The following ZBP1 variants were observed in gnomAD, a reference collection of about 807,000 sequenced individuals.
ZBP1 encodes Z-DNA binding protein 1.
Under a neutral mutation model 41.1 loss-of-function variants are expected in ZBP1, and 42 were observed. The ratio of observed to expected loss-of-function variants is 1.02; its 90% CI spans 0.80 to 1.32. ZBP1 has a LOEUF of 1.32. ZBP1 is among the 40% of genes most tolerant of loss of function. The pLI, the probability that ZBP1 is intolerant of heterozygous loss-of-function variation, is 0.00. For missense variants in ZBP1, 562 were observed against 549.7 expected, an observed-to-expected ratio of 1.02 and a Z score of -0.22; for synonymous variants, 214 against 205.2, an observed-to-expected ratio of 1.04 and a Z score of -0.37.
chr20:57,610,454 C>T lies in ZBP1; in HGVS notation c.875-87G>A, dbSNP rs1362851786. On this transcript the variant is annotated intron_variant, in intron 6 of 7. Transcript: ENST00000371173. The surrounding 1 kb of genome is among the most constrained non-coding windows in gnomAD (Gnocchi z 5.5). ...GACCCCCAGCCTGGTTCACCCTCCT[C>T]CCCAGATCTCCCACCAGTGGCCCAC... is the stretch of plus-strand genomic sequence containing the variant. 7.1e-7 allele frequency: 1 copy of T among 1,403,800 alleles called. No homozygotes were observed. Among genetic ancestry groups the T allele is most frequent in the African/African-American group, 1.4e-5 (1 of 70,530 alleles). 87.0% of individuals were successfully genotyped at this position (1,403,800 alleles called of 1,614,324 possible).
chr20:57,612,869 C>T lies in ZBP1; in HGVS notation c.670+294G>A, dbSNP rs114947868. 2,832 of 1,280,314 alleles carry T rather than the reference C, an allele frequency of 2.2e-3. 59 individuals are homozygous for T. In the African/African-American group the frequency reaches 0.039, roughly 18 times the overall value. The allele number at this position is 1,280,314 out of a possible 1,614,324, so 79.3% of individuals were successfully genotyped here. On this transcript the variant is annotated intron_variant, in intron 5 of 7. Transcript: ENST00000371173. ...ATTGAAAATGAGGCATAAGGTCAGG[C>T]GCAACACAGAGATACCCCATCTTAA...
chr20:57,611,867 A>C lies in ZBP1; in HGVS notation c.734T>G (p.Leu245Arg). 6.3e-7 allele frequency: 1 copy of C among 1,585,000 alleles called. No homozygotes were observed. The highest frequency in any genetic ancestry group is 8.6e-7 in the Non-Finnish European group (1 of 1,165,244). The change falls in exon 6 of 8, where the codon CTA (leucine) becomes CGA (arginine). Residue 245 changes from leucine (L) to arginine (R), a missense_variant. Transcript: ENST00000371173. ...GTCCTGGGGCCCCCAGGGATCAACT[A>C]GGGTCCCCCAAGTTGAGGAATCACC... ...APGDSSTWGT[L>R]VDPWGPQDIH...
intron 7 of ZBP1, among the ~76,000 whole-genome samples, 194 bp downstream of exon 7, chr20:57,609,955 G>A (rs1324125230): frequency 1.3e-5 from 2 of 152,146 alleles, no homozygotes; most frequent in Non-Finnish European, 2.9e-5. Flanking sequence ...AATGACTTGG[G>A]TGGGTCCCTC....
At chr20:57,606,948 A>C in intron 7 of ZBP1, 1 of 1,174,556 alleles carries the variant, frequency 8.5e-7, no homozygotes, top group Non-Finnish European at 1.1e-6. Flanking sequence ...GCACCTGTTC[A>C]TCCACGGGCT....
At chr20:57,611,633 A>T in intron 6 of ZBP1, 94 bp downstream of exon 6, 1 of 1,339,224 alleles carries the variant, frequency 7.5e-7, no homozygotes, top group Non-Finnish European at 1.0e-6. Flanking sequence ...ATTTCCCATC[A>T]TGCTTCTCTT....
chr20:57,604,854 G>A (rs2070457066), intron 7 of ZBP1, 85 bp from the exon 8 acceptor site: 6 of 1,325,102 alleles, frequency 4.5e-6, no homozygotes, highest in Admixed American at 4.1e-5. Flanking sequence ...AGGATTTCGA[G>A]CTCAGCTTGA....
rs191265651 is a variant in ZBP1, at chr20:57,607,014, C to T, written c.1094-2245G>A. On this transcript the variant is annotated intron_variant, in intron 7 of 7. Coordinates refer to ENST00000371173, the MANE Select transcript of ZBP1 (RefSeq NM_030776.3). ...GTTTTCATGCCTGCTAGCACAGCATCCATTCTGCAGCCCATGGATTAAGGA... is the reference window on the plus strand; with the variant it reads ...GTTTTCATGCCTGCTAGCACAGCATTCATTCTGCAGCCCATGGATTAAGGA... The T allele has an allele frequency of 2.4e-6, 3 of 1,264,918 alleles. No homozygotes were observed. The East Asian group carries it at 1.7e-4, about 73-fold the overall frequency. 78.4% of individuals were successfully genotyped at this position (1,264,918 alleles called of 1,614,324 possible).
rs184068056 is a variant in ZBP1, at chr20:57,604,264, C to T, written c.*309G>A. The T allele has an allele frequency of 1.4e-3, 692 of 506,070 alleles. 2 individuals are homozygous for T. The highest frequency in any genetic ancestry group is 0.011 in the Middle Eastern group (33 of 2,934). 31.3% of individuals were successfully genotyped at this position (506,070 alleles called of 1,614,324 possible). A position where few individuals can be genotyped will look rare whatever the true frequency, so the allele number is the denominator to read the frequency against. On this transcript the variant is annotated 3_prime_UTR_variant, in exon 8 of 8. Coordinates refer to ENST00000371173, the MANE Select transcript of ZBP1 (RefSeq NM_030776.3). ...GGAAGGTAACTCCAGGCAGATGCCC[C>T]GAGCCCAGGAAAGAGTGGAGAGAGT...
rs1313273398 is a variant in ZBP1 at position 57,610,676 on chromosome 20, C to T, written c.875-309G>A. ...CAGCTCCTCTCTCCTCTGCTGCCTGCTTCCCACTGCACTGGAACACTGGCC... is the reference window on the plus strand; with the variant it reads ...CAGCTCCTCTCTCCTCTGCTGCCTGTTTCCCACTGCACTGGAACACTGGCC... On this transcript the variant is annotated intron_variant, in intron 6 of 7. Transcript: ENST00000371173. The surrounding 1 kb of genome is among the most constrained non-coding windows in gnomAD (Gnocchi z 5.5). The T allele has an allele frequency of 4.3e-6, 2 of 464,960 alleles. No individual in the cohort carries two copies. The highest frequency in any genetic ancestry group is 2.3e-5 in the South Asian group (1 of 42,578). The allele number at this position is 464,960 out of a possible 1,614,324, so 28.8% of individuals were successfully genotyped here.
chr20:57,613,236 G>A lies in ZBP1; in HGVS notation c.597C>T (p.Ser199=). Residue 199 remains serine, a synonymous_variant, in exon 5 of 8, where the codon TCC becomes TCT. Coordinates refer to ENST00000371173, the MANE Select transcript of ZBP1 (RefSeq NM_030776.3). This position sits in a 1 kb window ranked among gnomAD's most constrained non-coding sequence, Gnocchi z 4.5. ...TCTGGATGGCTTCGGAGTTTGCAAT[G>A]GAAATCCAGCTGTTGGGTCCATTCT... ...ICQNGPNSWI[S]IANSEAIQIG... 2 of 1,614,248 alleles carry A rather than the reference G, an allele frequency of 1.2e-6. No individual in the cohort carries two copies. Among genetic ancestry groups the A allele is most frequent in the East Asian group, 2.2e-5 (1 of 44,888 alleles).
intron 1 of ZBP1, chr20:57,616,981 A>C (rs766737556): frequency 5.9e-6 from 1 of 169,574 alleles, no homozygotes; most frequent in Non-Finnish European, 1.3e-5. Flanking sequence ...GACCGACCAG[A>C]CATCAGAAAC....
Position 57,613,063 on chromosome 20 carries a change from C to T in ZBP1, c.670+100G>A. On this transcript the variant is annotated intron_variant, in intron 5 of 7. Transcript: ENST00000371173. This position sits in a 1 kb window ranked among gnomAD's most constrained non-coding sequence, Gnocchi z 4.5. ...GAAGCAACCCTTTCCCCTTGGAGGG[C>T]AGAATCCCCCCACTCCCCATCCCTA... The T allele has an allele frequency of 6.4e-7, 1 of 1,554,612 alleles. No individual in the cohort carries two copies. Among genetic ancestry groups the T allele is most frequent in the Non-Finnish European group, 8.7e-7 (1 of 1,149,106 alleles).
chr20:57,612,961 T>C lies in ZBP1; in HGVS notation c.670+202A>G, dbSNP rs540042520. The C allele has an allele frequency of 2.8e-6, 4 of 1,431,028 alleles. No homozygotes were observed. In the Admixed American group the frequency reaches 1.2e-4, roughly 42 times the overall value. The allele number at this position is 1,431,028 out of a possible 1,614,324, so 88.6% of individuals were successfully genotyped here. ...TAAAATGAGGTAGAAAGTATCAGAG[T>C]ACAGGGAAATCAGGAGAGCTTTGAT... On this transcript the variant is annotated intron_variant, in intron 5 of 7. Coordinates refer to ENST00000371173, the MANE Select transcript of ZBP1 (RefSeq NM_030776.3).
At chr20:57,616,190 AT>A in intron 2 of ZBP1, 53 bp downstream of exon 2, 1 of 1,546,038 alleles carries the variant, frequency 6.5e-7, no homozygotes, top group Non-Finnish European at 8.9e-7. Context: ...GTGCTTGTCC[AT>A]TGCCAGGATG....
At chr20:57,605,139 C>T (rs960741992) in intron 7 of ZBP1, among the ~76,000 whole-genome samples, 1 of 151,756 alleles carries the variant, frequency 6.6e-6, no homozygotes, top group African/African-American at 2.4e-5. Context: ...CAAAACAAAA[C>T]AAAAACCATT....
intron 7 of ZBP1, among the ~76,000 whole-genome samples, chr20:57,608,305 G>A (rs2070547729): frequency 6.6e-6 from 1 of 152,176 alleles, no homozygotes; most frequent in Non-Finnish European, 1.5e-5. Context: ...GTATTTTTTA[G>A]TAGAGAGAGG....
intron 7 of ZBP1, among the ~76,000 whole-genome samples, chr20:57,605,144 A>G (rs992608772): frequency 2.3e-5 from 3 of 128,026 alleles, no homozygotes; most frequent in African/African-American, 7.9e-5. Flanking sequence ...CAAAACAAAA[A>G]CCATTCCAGG....
At position 57,604,703 on chromosome 20, in the gene ZBP1, G is replaced by T; in HGVS notation, c.1160C>A (p.Pro387His). 1 of 1,614,182 alleles carries T rather than the reference G, an allele frequency of 6.2e-7. No homozygotes were observed. The highest frequency in any genetic ancestry group is 8.5e-7 in the Non-Finnish European group (1 of 1,180,034). ...CTTGGGGGTGAGCTTCGAGTGGCTGGGAGTGATGGGCTGACCAATGTCTCG... is the reference window on the plus strand; with the variant it reads ...CTTGGGGGTGAGCTTCGAGTGGCTGTGAGTGATGGGCTGACCAATGTCTCG... ...FPRDIGQPIT[P>H]SHSKLTPKLE... is the part of the protein sequence containing the mutation. The change falls in exon 8 of 8, where the codon CCC (proline) becomes CAC (histidine). Residue 387 changes from proline (P) to histidine (H), a missense_variant. By Grantham distance (77) the Pro-to-His change is moderately conservative. Transcript: ENST00000371173.
At chr20:57,609,004 C>G (rs976942038) in intron 7 of ZBP1, among the ~76,000 whole-genome samples, 2 of 152,246 alleles carry the variant, frequency 1.3e-5, no homozygotes, top group Non-Finnish European at 2.9e-5. Context: ...AAAATCTCAT[C>G]CAGCCCCTCT....
Sources: allele counts gnomAD v4.1 joint callset (sites outside exome capture counted in the v4.1 genomes callset), GRCh38; gene constraint gnomAD v4.1.1; non-coding constraint Gnocchi (gnomAD v3.1); transcripts MANE v1.5; gene names NCBI Gene and HGNC (gene_info 2026-07-23, HGNC 2026-07-21).